The following ASIC4 variants were observed in gnomAD, a reference collection of about 807,000 sequenced individuals.
ASIC4 encodes the protein acid sensing ion channel subunit family member 4.
In ASIC4, 28 loss-of-function variants were observed where a neutral mutation model predicts 53.4. The ratio of observed to expected loss-of-function variants is 0.52; its 90% CI spans 0.39 to 0.72. The LOEUF (loss-of-function observed/expected upper bound fraction) is 0.72. ASIC4 is among the 30% of genes least tolerant of loss of function. The pLI, the probability that ASIC4 is intolerant of heterozygous loss-of-function variation, is 0.00. For synonymous variants in ASIC4, 289 were observed against 301.4 expected, an observed-to-expected ratio of 0.96 and a Z score of 0.43; for missense variants, 649 against 729.7, an observed-to-expected ratio of 0.89 and a Z score of 1.27.
At chr2:219,509,763 C>G (rs547383308), upstream of ASIC4, among the ~76,000 whole-genome samples, 41 of 152,224 alleles carry the variant, frequency 2.7e-4, no homozygotes, top group South Asian at 7.7e-3. This position sits in a 1 kb window ranked among gnomAD's most constrained non-coding sequence, Gnocchi z 5.2. Context: ...AAGAAGCCCC[C>G]TCTGAAATTG....
chr2:219,522,410 T>G (rs904748585), intron 1 of ASIC4, among the ~76,000 whole-genome samples: 1 of 32,708 alleles, frequency 3.1e-5, no homozygotes, highest in Non-Finnish European at 5.9e-5. Context: ...GCTGGGCAGG[T>G]CCCCGGGGAG....
chr2:219,511,261 G>A (rs77416152), upstream of ASIC4, among the ~76,000 whole-genome samples: 41,400 of 151,882 alleles, frequency 0.27, 5,779 homozygotes, highest in South Asian at 0.45. The surrounding 1 kb of genome is among the most constrained non-coding windows in gnomAD (Gnocchi z 5.3). Flanking sequence ...AACCCCCCAG[G>A]TTGGATCCTG....
the ASIC4 span, among the ~76,000 whole-genome samples, chr2:219,507,674 G>A: frequency 6.6e-6 from 1 of 152,082 alleles, no homozygotes; most frequent in Non-Finnish European, 1.5e-5. Context: ...GCCCCTCTTG[G>A]TGCCCCCCTT....
intron 1 of ASIC4, among the ~76,000 whole-genome samples, chr2:219,523,700 G>A (rs945505911): frequency 6.6e-5 from 10 of 152,306 alleles, no homozygotes; most frequent in Middle Eastern, 3.4e-3. Flanking sequence ...GGTGACCTTG[G>A]CTAGGTCACC....
intron 6 of ASIC4, among the ~76,000 whole-genome samples, chr2:219,535,760 A>G (rs936582979): frequency 5.6e-5 from 8 of 141,960 alleles, no homozygotes; most frequent in Non-Finnish European, 1.1e-4. Flanking sequence ...TCATAGCTCT[A>G]TTCTTCTCCT....
At chr2:219,514,353 G>A (rs752351441), upstream of ASIC4, 96 of 1,545,578 alleles carry the variant, frequency 6.2e-5, no homozygotes, top group Middle Eastern at 2.3e-4. Context: ...CATGCTGAGC[G>A]GAGCGGCTGG....
Position 219,537,856 on chromosome 2 carries a change from G to T in ASIC4, c.1507-77G>T, listed in dbSNP as rs1695170814. ...TGGAGCCTCTGCCCGAGGTGACAAG[G>T]AAAGGCTGGCGGTGTGAGCCCTGGG... On this transcript the variant is annotated intron_variant, in intron 9 of 9. Transcript: ENST00000358078. This position sits in a 1 kb window ranked among gnomAD's most constrained non-coding sequence, Gnocchi z 4.9. 1 of 1,495,688 alleles carries T rather than the reference G, an allele frequency of 6.7e-7. No individual in the cohort carries two copies. The highest frequency in any genetic ancestry group is 9.1e-7 in the Non-Finnish European group (1 of 1,094,244). 92.7% of individuals were successfully genotyped at this position (1,495,688 alleles called of 1,614,324 possible).
chr2:219,531,740 T>C lies in ASIC4; in HGVS notation c.583-18T>C. 6.4e-7 allele frequency: 1 copy of C among 1,558,980 alleles called. No homozygotes were observed. Among genetic ancestry groups the C allele is most frequent in the Non-Finnish European group, 8.7e-7 (1 of 1,151,956 alleles). On this transcript the variant is annotated intron_variant, in intron 1 of 9. Transcript: ENST00000358078. ...ACTCCTTTCATCTCCCCTCCTGCTC[T>C]CTCACCCCACCTCCCAGGTCTATAC...
At chr2:219,535,688 G>A (rs1219086478) in intron 6 of ASIC4, among the ~76,000 whole-genome samples, 1 of 151,936 alleles carries the variant, frequency 6.6e-6, no homozygotes, top group Non-Finnish European at 1.5e-5. Context: ...ACAGGCGCTG[G>A]GCATGGTGGA....
intron 1 of ASIC4, among the ~76,000 whole-genome samples, chr2:219,524,566 T>C (rs555471921): frequency 1.9e-3 from 288 of 152,396 alleles, no homozygotes; most frequent in Non-Finnish European, 3.3e-3. Context: ...GTGGTTGCTA[T>C]GATTTACGTA....
At chr2:219,535,419 GTGTA>G (rs1326888643) in intron 6 of ASIC4, 95 bp downstream of exon 6, 35 of 1,328,050 alleles carry the variant, frequency 2.6e-5, no homozygotes, top group East Asian at 1.8e-4. Context: ...GTGTGTGTGA[GTGTA>G]TGTGTGTATG....
rs182096808 is a variant in ASIC4 at position 219,519,151 on chromosome 2, G to A, written c.582+3845G>A. On this transcript the variant is annotated intron_variant, in intron 1 of 9. Transcript: ENST00000358078. ...GATCTCCTGACCTCGTGATCCGCCCGCCTTGGCCTCCCAAAGTGCTGGGTG... is the reference window on the plus strand; with the variant it reads ...GATCTCCTGACCTCGTGATCCGCCCACCTTGGCCTCCCAAAGTGCTGGGTG... Among the ~76,000 whole-genome samples the A allele has an allele frequency of 3.4e-3, 517 of 152,258 alleles. 3 individuals are homozygous for A. Among genetic ancestry groups the A allele is most frequent in the Non-Finnish European group, 4.3e-3 (295 of 68,010 alleles).
chr2:219,508,807 G>A, the ASIC4 span, among the ~76,000 whole-genome samples: 12 of 151,752 alleles, frequency 7.9e-5, no homozygotes, highest in Non-Finnish European at 1.5e-4. Flanking sequence ...GGTGGGAAGT[G>A]GGGGATGAGC....
At chr2:219,532,643 C>A in intron 4 of ASIC4, 166 bp downstream of exon 4, 1 of 1,035,764 alleles carries the variant, frequency 9.7e-7, no homozygotes, top group Non-Finnish European at 1.4e-6. Context: ...CATGGTTTCA[C>A]ATATGCATGT....
chr2:219,514,599 T>C lies in ASIC4; in HGVS notation c.-126T>C. ...GGGCCCCCACCCTGTCCCTGTCCTC[T>C]TCCCGCTTGCCCTGAGTTTAGAAGA... On this transcript the variant is annotated 5_prime_UTR_variant, in exon 1 of 10. Coordinates refer to ENST00000358078, the MANE Select transcript of ASIC4 (RefSeq NM_018674.6). The C allele has an allele frequency of 6.3e-6, 10 of 1,598,196 alleles. No individual in the cohort carries two copies. The highest frequency in any genetic ancestry group is 1.3e-5 in the African/African-American group (1 of 74,716).
At chr2:219,510,455 T>C (rs1694686573), upstream of ASIC4, among the ~76,000 whole-genome samples, 2 of 152,088 alleles carry the variant, frequency 1.3e-5, no homozygotes, top group African/African-American at 4.8e-5. This position sits in a 1 kb window ranked among gnomAD's most constrained non-coding sequence, Gnocchi z 5.2. Flanking sequence ...AGCTCCGAGG[T>C]TGTCGGCTGC....
intron 1 of ASIC4, among the ~76,000 whole-genome samples, chr2:219,523,692 T>C (rs1269366101): frequency 6.6e-6 from 1 of 152,212 alleles, no homozygotes; most frequent in Non-Finnish European, 1.5e-5. Context: ...TCCACCGTGG[T>C]GACCTTGGCT....
In ASIC4 at chr2:219,537,963, G is replaced by A. The variant is rs771334954; in HGVS notation, c.1537G>A (p.Gly513Ser). The A allele has an allele frequency of 8.9e-5, 143 of 1,612,126 alleles. No individual in the cohort carries two copies. The highest frequency in any genetic ancestry group is 9.5e-5 in the Non-Finnish European group (112 of 1,179,276). The change falls in exon 10 of 10, where the codon GGT (glycine) becomes AGT (serine). Residue 513 changes from glycine to serine, a missense_variant. By Grantham distance (56) the Gly-to-Ser change is moderately conservative. Coordinates refer to ENST00000358078, the MANE Select transcript of ASIC4 (RefSeq NM_018674.6). This position sits in a 1 kb window ranked among gnomAD's most constrained non-coding sequence, Gnocchi z 4.9. Reference protein sequence around the residue: ...SPCPSRGRVEGGGVSSLLPNH... With the variant: ...SPCPSRGRVESGGVSSLLPNH... ...CTGCCCGAGCCGGGGCCGAGTGGAGGGTGGGGGGGTCAGCAGTCTGCTCCC... is the reference window on the plus strand; with the variant it reads ...CTGCCCGAGCCGGGGCCGAGTGGAGAGTGGGGGGGTCAGCAGTCTGCTCCC...
upstream of ASIC4, among the ~76,000 whole-genome samples, chr2:219,509,962 C>T (rs879087027): frequency 2.0e-5 from 3 of 152,046 alleles, no homozygotes; most frequent in East Asian, 1.9e-4. The surrounding 1 kb of genome is among the most constrained non-coding windows in gnomAD (Gnocchi z 5.2). Flanking sequence ...CTCGGTAGTG[C>T]GTCCCTCTGC....
Sources: gnomAD v4.1 joint callset for allele counts (sites outside exome capture counted in the v4.1 genomes callset) on GRCh38, gnomAD v4.1.1 for gene constraint, Gnocchi (gnomAD v3.1) non-coding constraint, MANE v1.5 for transcripts, NCBI Gene and HGNC (gene_info 2026-07-23, HGNC 2026-07-21) for gene names.